Variants in MIB2 observed in about 807,000 individuals in gnomAD.
The protein encoded by MIB2 is MIB E3 ubiquitin protein ligase 2.
In MIB2, 78 loss-of-function variants were observed where a neutral mutation model predicts 96.6. The observed-to-expected ratio is 0.81, with a 90% CI of 0.67 to 0.97. The LOEUF is 0.97. Among genes scored for constraint, MIB2 ranks in the 50% least tolerant of loss-of-function variants. MIB2 has a pLI of 0.00. For synonymous variants in MIB2, 820 were observed against 629.5 expected, an observed-to-expected ratio of 1.30 and a Z score of -4.53; for missense variants, 1,543 against 1,424.0, an observed-to-expected ratio of 1.08 and a Z score of -1.35.
intron 14 of MIB2, 28 bp from the exon 15 acceptor site, chr1:1,628,245 G>A: frequency 6.2e-7 from 1 of 1,612,844 alleles, no homozygotes; most frequent in South Asian, 1.1e-5. Flanking sequence ...GCAGTCCCAG[G>A]TCCCAGACCA....
Position 1,626,634 on chromosome 1 carries a change from C to T in MIB2, c.973-16C>T, listed in dbSNP as rs968104414. 1.3e-6 allele frequency: 2 copies of T among 1,537,840 alleles called. No individual in the cohort carries two copies. Among genetic ancestry groups the T allele is most frequent in the Non-Finnish European group, 8.7e-7 (1 of 1,144,072 alleles). On this transcript the variant is annotated splice_polypyrimidine_tract_variant and intron_variant, in intron 8 of 19. Coordinates refer to ENST00000355826, the MANE Select transcript of MIB2 (RefSeq NM_001170687.4). The surrounding 1 kb of genome is among the most constrained non-coding windows in gnomAD (Gnocchi z 5.3). ...ACACAGCTGGGGGGCCCCTCACGCC[C>T]CTCTTTGTCGCTCAGCACCACTCCT...
rs749724198 is a variant in MIB2, at chr1:1,624,865, G to A, written c.490G>A (p.Val164Met). Residue 164 changes from valine to methionine, a missense_variant, in exon 5 of 20, where the codon GTG becomes ATG. By Grantham distance (21) the Val-to-Met change is conservative (BLOSUM62 1). Coordinates refer to ENST00000355826, the MANE Select transcript of MIB2 (RefSeq NM_001170687.4). ...GGGCATCTTCCAGGGAGCGAAGGTG[G>A]TGCGAGGCCCCGACTGGGAGTGGGG... The part of the protein sequence containing the change: ...LRGIFQGAKV[V>M]RGPDWEWGSQ... 11 of 1,613,020 alleles carry A rather than the reference G, an allele frequency of 6.8e-6. No homozygotes were observed. The African/African-American group carries it at 1.2e-4, about 18-fold the overall frequency.
chr1:1,615,373 G>A (rs1643489397), upstream of MIB2: 11 of 1,422,414 alleles, frequency 7.7e-6, no homozygotes, highest in Non-Finnish European at 9.1e-6. Flanking sequence ...GAACCTAGCT[G>A]CGCCACGCAG....
At chr1:1,623,259 G>A in intron 2 of MIB2, 172 bp from the exon 3 acceptor site, 1 of 1,152,436 alleles carries the variant, frequency 8.7e-7, no homozygotes, top group Non-Finnish European at 1.2e-6. Flanking sequence ...CCTGGTGCCA[G>A]ACTGCGGGCC....
At position 1,625,091 on chromosome 1, in the gene MIB2, T is replaced by C. The variant is rs1233274968; in HGVS notation, c.627T>C (p.Asn209=). Residue 209 remains asparagine, a synonymous_variant, in exon 6 of 20, where the codon AAT becomes AAC. Coordinates refer to ENST00000355826, the MANE Select transcript of MIB2 (RefSeq NM_001170687.4). The surrounding 1 kb of genome is among the most constrained non-coding windows in gnomAD (Gnocchi z 5.0). ...TGACGTGGGCTGATGGTACCACCAA[T>C]GTGTACCGTGTGGGCCACAAGGGCA... ...ASVTWADGTT[N]VYRVGHKGKV... The C allele has an allele frequency of 1.9e-6, 3 of 1,613,350 alleles. No homozygotes were observed. Among genetic ancestry groups the C allele is most frequent in the African/African-American group, 1.3e-5 (1 of 75,032 alleles).
Position 1,628,143 on chromosome 1 carries a change from C to A in MIB2, c.1805C>A (p.Thr602Asn), listed in dbSNP as rs1644989086. The A allele has an allele frequency of 6.2e-7, 1 of 1,613,322 alleles. No homozygotes were observed. The highest frequency in any genetic ancestry group is 1.7e-5 in the Admixed American group (1 of 60,008). The change falls in exon 14 of 20, where the codon ACC (threonine) becomes AAC (asparagine). Residue 602 changes from threonine (T) to asparagine (N), a missense_variant. Thr to Asn is a moderately conservative substitution (Grantham distance 65, BLOSUM62 0). Transcript: ENST00000355826. Reference sequence around the variant, plus strand: ...ACCGCCACCAACAGCCAGGGTTTCACCCTGCTGCACCATGCCTCCCTCAAG... The same window carrying A: ...ACCGCCACCAACAGCCAGGGTTTCAACCTGCTGCACCATGCCTCCCTCAAG... ...DVTATNSQGFTLLHHASLKGH... is the reference protein window; with the variant it reads ...DVTATNSQGFNLLHHASLKGH...
In MIB2 at chr1:1,627,406, C is replaced by T. The variant is rs75855249; in HGVS notation, c.1485C>T (p.Asp495=). The change falls in exon 12 of 20, where the codon GAC becomes GAT. Residue 495 remains aspartate (D), a synonymous_variant. Coordinates refer to ENST00000355826, the MANE Select transcript of MIB2 (RefSeq NM_001170687.4). ...LQARAGVDLP[D]DEGNTALHYA... ...CCAGGGCGGGCGTGGACCTGCCGGA[C>T]GACGAGGGCAACACGGCACTGCACT... 3,241 of 1,612,784 alleles carry T rather than the reference C, an allele frequency of 2.0e-3. 60 individuals carry two copies. In the African/African-American group the frequency reaches 0.037, roughly 18 times the overall value.
Position 1,629,579 on chromosome 1 carries a change from C to T in MIB2, c.2563+13C>T, listed in dbSNP as rs748415984. 8.3e-6 allele frequency: 13 copies of T among 1,557,152 alleles called. No homozygotes were observed. In the South Asian group the frequency reaches 1.4e-4, roughly 17 times the overall value. On this transcript the variant is annotated intron_variant, in intron 18 of 19. Coordinates refer to ENST00000355826, the MANE Select transcript of MIB2 (RefSeq NM_001170687.4). ...ACCGTGTGTGAGGGTGAGTGGGGGGCCCCGGGGTGGGGAGGCCCGGCTAGT... is the reference window on the plus strand; with the variant it reads ...ACCGTGTGTGAGGGTGAGTGGGGGGTCCCGGGGTGGGGAGGCCCGGCTAGT...
chr1:1,616,655 G>A (rs1228038270), intron 2 of MIB2, 41 bp downstream of exon 2: 1 of 1,502,334 alleles, frequency 6.7e-7, no homozygotes, highest in South Asian at 1.2e-5. Context: ...TTTGCACTTG[G>A]CTCTCCCACT....
chr1:1,624,051 C>T (rs878970270), intron 4 of MIB2, 106 bp downstream of exon 4: 38 of 1,314,420 alleles, frequency 2.9e-5, no homozygotes, highest in Middle Eastern at 2.4e-4. Flanking sequence ...CCCAGGAAGA[C>T]GGAGCAAGTC....
chr1:1,624,503 G>A (rs1423210063), intron 4 of MIB2, among the ~76,000 whole-genome samples: 1 of 152,218 alleles, frequency 6.6e-6, no homozygotes, highest in Non-Finnish European at 1.5e-5. Context: ...GCACCCAGAG[G>A]TCTTGCCGAG....
Position 1,627,145 on chromosome 1 carries a change from G to A in MIB2, c.1312G>A (p.Val438Met). Reference sequence around the variant, plus strand: ...CCCAGAGCACCCGGGAAGGCTGGTGGTGGAGGTGGCGCTGGGTAACGCAGC... The same window carrying A: ...CCCAGAGCACCCGGGAAGGCTGGTGATGGAGGTGGCGCTGGGTAACGCAGC... ...SDPEHPGRLV[V>M]EVALGNAARA... Residue 438 changes from valine to methionine, a missense_variant, in exon 11 of 20, where the codon GTG becomes ATG. Physicochemically the swap from Val to Met is conservative, Grantham distance 21 (BLOSUM62 1). Coordinates refer to ENST00000355826, the MANE Select transcript of MIB2 (RefSeq NM_001170687.4). 6.3e-7 allele frequency: 1 copy of A among 1,594,510 alleles called. No individual in the cohort carries two copies. The highest frequency in any genetic ancestry group is 8.5e-7 in the Non-Finnish European group (1 of 1,170,990).
rs767506914 is a variant in MIB2 at position 1,625,506 on chromosome 1, G to A, written c.865-40G>A. 1.9e-5 allele frequency: 29 copies of A among 1,488,454 alleles called. No homozygotes were observed. Among genetic ancestry groups the A allele is most frequent in the East Asian group, 2.7e-5 (1 of 37,278 alleles). The allele number at this position is 1,488,454 out of a possible 1,614,324, so 92.2% of individuals were successfully genotyped here. ...CCCCTCAGCCCCTTCCTCCCCAAGC[G>A]TCCAGCCCGACCCAGCCACAGCTCC... On this transcript the variant is annotated intron_variant, in intron 7 of 19. Transcript: ENST00000355826. This position sits in a 1 kb window ranked among gnomAD's most constrained non-coding sequence, Gnocchi z 5.0.
In MIB2 at chr1:1,629,624, C is replaced by T. The variant is rs376941626; in HGVS notation, c.2564-15C>T. 3.4e-4 allele frequency: 535 copies of T among 1,578,348 alleles called. 6 individuals carry two copies. The East Asian group carries it at 0.012, about 35-fold the overall frequency. ...GCTAGTAGGGCCGCAGCCAACCGCG[C>T]TCTCCTCTTCGCAGAGTGCGCGCGC... On this transcript the variant is annotated splice_polypyrimidine_tract_variant and intron_variant, in intron 18 of 19. Transcript: ENST00000355826.
At position 1,628,370 on chromosome 1, in the gene MIB2, C is replaced by T. The variant is rs750480310; in HGVS notation, c.1939C>T (p.Arg647Cys). 2.0e-5 allele frequency: 33 copies of T among 1,612,520 alleles called. No individual in the cohort carries two copies. Among genetic ancestry groups the T allele is most frequent in the African/African-American group, 1.2e-4 (9 of 74,942 alleles). ...GCATCTGGCTGCCCTCAACAACCAC[C>T]GCGAGGTGGCCCAGATCCTCATCCG... The part of the protein sequence containing the change: ...ALHLAALNNH[R>C]EVAQILIREG... The change falls in exon 15 of 20, where the codon CGC becomes TGC. Residue 647 changes from arginine (R) to cysteine (C), a missense_variant. By Grantham distance (180) the Arg-to-Cys change is radical. Coordinates refer to ENST00000355826, the MANE Select transcript of MIB2 (RefSeq NM_001170687.4).
intron 19 of MIB2, 126 bp downstream of exon 19, chr1:1,629,830 C>A: frequency 1.9e-6 from 2 of 1,074,010 alleles, no homozygotes; most frequent in Non-Finnish European, 2.6e-6. Flanking sequence ...CCCGCCCTCC[C>A]AAGGCTCACA....
chr1:1,623,917 G>C lies in MIB2; in HGVS notation c.391G>C (p.Asp131His), dbSNP rs200885260. Residue 131 changes from aspartate to histidine, a missense_variant, in exon 4 of 20, where the codon GAC becomes CAC. By Grantham distance (81) the Asp-to-His change is moderately conservative. Coordinates refer to ENST00000355826, the MANE Select transcript of MIB2 (RefSeq NM_001170687.4). Reference sequence around the variant, plus strand: ...CAAGCATGAGCTCGCCCACGCCTTCGACCGCTACGAGACCGCTCACTCGCG... The same window carrying C: ...CAAGCATGAGCTCGCCCACGCCTTCCACCGCTACGAGACCGCTCACTCGCG... ...HNKHELAHAF[D>H]RYETAHSRPV... The C allele has an allele frequency of 1.9e-6, 3 of 1,611,638 alleles. No individual in the cohort carries two copies. Among genetic ancestry groups the C allele is most frequent in the Non-Finnish European group, 8.5e-7 (1 of 1,179,278 alleles).
chr1:1,616,435 C>CG, intron 1 of MIB2, 73 bp from the exon 2 acceptor site: 1 of 1,139,436 alleles, frequency 8.8e-7, no homozygotes, highest in Non-Finnish European at 1.2e-6. Context: ...CGGGCAGCCC[C>CG]GGGGGCAGAC....
intron 16 of MIB2, 35 bp from the exon 17 acceptor site, chr1:1,629,098 C>T (rs1645104496): frequency 7.1e-7 from 1 of 1,413,432 alleles, no homozygotes; most frequent in Non-Finnish European, 9.1e-7. Context: ...CCTGCCCCGG[C>T]GCCCGCCCTC....
Sources: allele counts gnomAD v4.1 joint callset (sites outside exome capture counted in the v4.1 genomes callset), GRCh38; gene constraint gnomAD v4.1.1; non-coding constraint Gnocchi (gnomAD v3.1); transcripts MANE v1.5; gene names NCBI Gene and HGNC (gene_info 2026-07-23, HGNC 2026-07-21).